The following MTMR3 variants were observed in gnomAD, a reference collection of about 807,000 sequenced individuals.
The protein encoded by MTMR3 is phosphatidylinositol-3,5-bisphosphate 3-phosphatase MTMR3.
MTMR3 carries 32 observed loss-of-function variants against 132.4 expected under a neutral mutation model. That is an observed-to-expected ratio of 0.24 (90% CI 0.18 to 0.32). The LOEUF (loss-of-function observed/expected upper bound fraction) is 0.32. Ranked by LOEUF, MTMR3 falls within the 10% of genes least tolerant of loss-of-function variation. The probability of loss-of-function intolerance (pLI) is 1.00; values close to 1 mark genes in which losing one functional copy is unlikely to be tolerated. For synonymous variants in MTMR3, 556 were observed against 550.3 expected (o/e 1.01, Z -0.14); for missense variants, 1,216 against 1,489.6 (o/e 0.82, Z 3.02).
rs1255778165 is a variant in MTMR3, at chr22:30,030,296, A to G, written c.*4495A>G. The G allele has an allele frequency of 2.0e-5, 3 of 152,086 alleles. No individual in the cohort carries two copies. The highest frequency in any genetic ancestry group is 2.1e-4 in the South Asian group (1 of 4,808). 9.4% of individuals were successfully genotyped at this position (152,086 alleles called of 1,614,324 possible). On this transcript the variant is annotated 3_prime_UTR_variant, in exon 20 of 20. Coordinates refer to ENST00000401950, the MANE Select transcript of MTMR3 (RefSeq NM_021090.4). ...GTATTTTCAGTGAAATTTGTTTTACATTGCCATTTAAAATTGGCCTTTAAC... is the reference window on the plus strand; with the variant it reads ...GTATTTTCAGTGAAATTTGTTTTACGTTGCCATTTAAAATTGGCCTTTAAC...
intron 2 of MTMR3, among the ~76,000 whole-genome samples, chr22:29,965,316 G>A (rs771367567): frequency 1.3e-5 from 2 of 151,914 alleles, no homozygotes; most frequent in Non-Finnish European, 2.9e-5. Flanking sequence ...GAAATGGAAG[G>A]CCTTATTTCT....
intron 1 of MTMR3, among the ~76,000 whole-genome samples, chr22:29,907,266 G>A (rs527474291): frequency 1.3e-5 from 2 of 151,932 alleles, no homozygotes; most frequent in South Asian, 4.2e-4. Context: ...GCCGGGCGTC[G>A]TCGTGGGCGC....
At chr22:29,943,858 C>T (rs368632985) in intron 1 of MTMR3, among the ~76,000 whole-genome samples, 6 of 145,558 alleles carry the variant, frequency 4.1e-5, no homozygotes, top group African/African-American at 7.6e-5. Flanking sequence ...AGGTCTGGCT[C>T]GATTGCCCAG....
chr22:29,942,199 A>G (rs908307233), intron 1 of MTMR3, among the ~76,000 whole-genome samples: 19 of 152,148 alleles, frequency 1.2e-4, no homozygotes, highest in Non-Finnish European at 1.2e-4. Flanking sequence ...TTAAAGCTGA[A>G]TGTCTAGGGG....
intron 1 of MTMR3, among the ~76,000 whole-genome samples, chr22:29,921,040 A>C (rs2065402251): frequency 6.6e-6 from 1 of 152,048 alleles, no homozygotes; most frequent in South Asian, 2.1e-4. Context: ...CATCCTGTTA[A>C]TACTTTGGGG....
intron 1 of MTMR3, among the ~76,000 whole-genome samples, chr22:29,921,822 C>G (rs1444703067): frequency 1.3e-5 from 2 of 148,686 alleles, no homozygotes; most frequent in African/African-American, 4.9e-5. Context: ...AACATAATGT[C>G]TTTAAGGTAC....
At chr22:29,929,827 A>G (rs1352108534) in intron 1 of MTMR3, among the ~76,000 whole-genome samples, 1 of 152,150 alleles carries the variant, frequency 6.6e-6, no homozygotes, top group East Asian at 1.9e-4. Flanking sequence ...GAAGGTTTTT[A>G]AAATGGAAAT....
rs776146663 is a variant in MTMR3, at chr22:30,020,860, T to C, written c.3201T>C (p.Phe1067=). 6.3e-6 allele frequency: 10 copies of C among 1,597,456 alleles called. No homozygotes were observed. Among genetic ancestry groups the C allele is most frequent in the Admixed American group, 1.8e-5 (1 of 57,126 alleles). ...AGTACCTGACCAGCTCCCTACACTTTAATGGAGACTTTGGGGATGAGGTGG... is the reference window on the plus strand; with the variant it reads ...AGTACCTGACCAGCTCCCTACACTTCAATGGAGACTTTGGGGATGAGGTGG... The part of the protein sequence containing the change: ...ESQYLTSSLH[F]NGDFGDEVTS... The change falls in exon 17 of 20, where the codon TTT becomes TTC. Residue 1067 remains phenylalanine, a synonymous_variant. Coordinates refer to ENST00000401950, the MANE Select transcript of MTMR3 (RefSeq NM_021090.4).
intron 15 of MTMR3, 165 bp from the exon 16 acceptor site, chr22:30,017,762 T>C: frequency 1.3e-6 from 1 of 740,970 alleles, no homozygotes; most frequent in Non-Finnish European, 2.2e-6. Context: ...AGTCCTGTAT[T>C]GGTCCTCTTG....
At chr22:30,025,378 C>G in intron 19 of MTMR3, 1 of 533,216 alleles carries the variant, frequency 1.9e-6, no homozygotes, top group Non-Finnish European at 3.4e-6. Flanking sequence ...TATACCTGAG[C>G]AGCATTCTTT....
chr22:30,018,640 G>A (rs1449019786), intron 16 of MTMR3: 1 of 152,226 alleles, frequency 6.6e-6, no homozygotes, highest in African/African-American at 2.4e-5. Context: ...TACTTGGGAG[G>A]TTGAGGCAGG....
At chr22:29,884,425 G>A (rs2064624153) in intron 1 of MTMR3, among the ~76,000 whole-genome samples, 1 of 152,064 alleles carries the variant, frequency 6.6e-6, no homozygotes, top group Non-Finnish European at 1.5e-5. Flanking sequence ...ATGGAGAGGT[G>A]GTGGGGACCT....
At chr22:30,021,211 C>A in intron 17 of MTMR3, 1 of 319,412 alleles carries the variant, frequency 3.1e-6, no homozygotes, top group Non-Finnish European at 5.8e-6. Flanking sequence ...AGAATGACAT[C>A]TGTAGGGCAA....
intron 19 of MTMR3, chr22:30,023,515 C>T (rs755089332): frequency 1.2e-6 from 2 of 1,612,790 alleles, no homozygotes; most frequent in South Asian, 2.2e-5. Context: ...CCTGTGATGT[C>T]TGCACATCTA....
chr22:30,004,800 C>A (rs2067243143), intron 9 of MTMR3: 1 of 152,194 alleles, frequency 6.6e-6, no homozygotes. Context: ...CTCTGCTTTG[C>A]CAGCCTAGGT....
intron 1 of MTMR3, among the ~76,000 whole-genome samples, chr22:29,889,414 G>A (rs2064747677): frequency 6.6e-6 from 1 of 151,234 alleles, no homozygotes; most frequent in East Asian, 2.0e-4. Context: ...AGCCTCCTGA[G>A]TAGTTGGGAT....
intron 12 of MTMR3, chr22:30,010,464 TAAA>T (rs1464698561): frequency 6.6e-6 from 1 of 152,176 alleles, no homozygotes; most frequent in Non-Finnish European, 1.5e-5. Flanking sequence ...CCCTCATGGG[TAAA>T]AAGCAGCTGT....
chr22:29,962,638 C>T (rs904794330), intron 2 of MTMR3, among the ~76,000 whole-genome samples: 2 of 152,134 alleles, frequency 1.3e-5, no homozygotes, highest in Non-Finnish European at 2.9e-5. Context: ...GTGATTACAG[C>T]ACTGCAACTC....
intron 1 of MTMR3, among the ~76,000 whole-genome samples, chr22:29,949,912 A>G (rs2066040864): frequency 1.3e-5 from 2 of 152,082 alleles, no homozygotes; most frequent in South Asian, 2.1e-4. Context: ...TTTTATTTCC[A>G]TTTGATTTAG....
Sources: allele counts gnomAD v4.1 joint callset (sites outside exome capture counted in the v4.1 genomes callset), GRCh38; gene constraint gnomAD v4.1.1; transcripts MANE v1.5; gene names NCBI Gene and HGNC (gene_info 2026-07-23, HGNC 2026-07-21).